CCNA1: variants seen among roughly 807,000 people sequenced by gnomAD.
The protein encoded by CCNA1 is cyclin-A1.
CCNA1 carries 23 observed loss-of-function variants against 54.1 expected under a neutral mutation model. The observed-to-expected ratio is 0.42, with a 90% CI of 0.31 to 0.60. The LOEUF is 0.60. Among genes scored for constraint, CCNA1 ranks in the 20% least tolerant of loss-of-function variants. CCNA1 has a pLI of 0.14. For missense variants in CCNA1, 450 were observed against 556.7 expected, an observed-to-expected ratio of 0.81 and a Z score of 1.93; for synonymous variants, 208 against 213.9, an observed-to-expected ratio of 0.97 and a Z score of 0.24.
chr13:36,442,686 C>T lies in CCNA1; in HGVS notation c.*21C>T. The stretch of plus-strand genomic sequence containing the variant: ...AATAAGTTTCTGAATGGAAGCACTT[C>T]CAGAACTTCACCTCCATATCAGAAG... On this transcript the variant is annotated 3_prime_UTR_variant, in exon 9 of 9. Coordinates refer to ENST00000255465, the MANE Select transcript of CCNA1 (RefSeq NM_003914.4). The T allele has an allele frequency of 6.2e-7, 1 of 1,607,198 alleles. No homozygotes were observed. Among genetic ancestry groups the T allele is most frequent in the Non-Finnish European group, 8.5e-7 (1 of 1,174,202 alleles).
Position 36,432,711 on chromosome 13 carries a change from C to T in CCNA1, c.90C>T (p.Leu30=), listed in dbSNP as rs746209396. The T allele has an allele frequency of 6.2e-7, 1 of 1,610,706 alleles. No individual in the cohort carries two copies. ...ATCTCAGCTGGGAAGGACCGGGGCTCCCAGATTTCGTCTTCCAGGTAACGT... is the reference window on the plus strand; with the variant it reads ...ATCTCAGCTGGGAAGGACCGGGGCTTCCAGATTTCGTCTTCCAGGTAACGT... The change falls in exon 1 of 9, where the codon CTC becomes CTT. Residue 30 remains leucine, a synonymous_variant. Coordinates refer to ENST00000255465, the MANE Select transcript of CCNA1 (RefSeq NM_003914.4).
At chr13:36,432,795 C>A in intron 1 of CCNA1, 66 bp downstream of exon 1, 1 of 1,171,446 alleles carries the variant, frequency 8.5e-7, no homozygotes, top group Non-Finnish European at 1.3e-6. Flanking sequence ...CAGCCCAACA[C>A]GAAGTCTTGG....
At chr13:36,434,105 A>G (rs1164662907) in intron 2 of CCNA1, among the ~76,000 whole-genome samples, 1 of 152,192 alleles carries the variant, frequency 6.6e-6, no homozygotes, top group Non-Finnish European at 1.5e-5. Context: ...GGCTGTGTTC[A>G]TTGCGGATAG....
At chr13:36,441,341 C>T in intron 7 of CCNA1, 110 bp downstream of exon 7, 2 of 624,752 alleles carry the variant, frequency 3.2e-6, no homozygotes, top group East Asian at 5.5e-5. Flanking sequence ...GACAGCAGAC[C>T]ACAACATGCC....
rs1196916103 is a variant in CCNA1 at position 36,438,754 on chromosome 13, T to C, written c.780T>C (p.Leu260=). Residue 260 remains leucine (L), a synonymous_variant, in exon 5 of 9, where the codon CTT becomes CTC. Coordinates refer to ENST00000255465, the MANE Select transcript of CCNA1 (RefSeq NM_003914.4). ...TGGAGGTTGGGGAAGAATATAAACT[T>C]CGAGCAGAGACCCTGTATCTGGCTG... 2 of 1,613,960 alleles carry C rather than the reference T, an allele frequency of 1.2e-6. No homozygotes were observed. Among genetic ancestry groups the C allele is most frequent in the African/African-American group, 2.7e-5 (2 of 74,894 alleles).
rs757524421 is a variant in CCNA1, at chr13:36,438,203, C to T, written c.669+12C>T. On this transcript the variant is annotated intron_variant, in intron 4 of 8. Transcript: ENST00000255465. ...TTAGGGAAGCTGAAGTAAGTTTTCC[C>T]ACCTTCTACTTCAATCTTCAGGACC... 8.1e-6 allele frequency: 13 copies of T among 1,606,590 alleles called. No homozygotes were observed. The highest frequency in any genetic ancestry group is 5.1e-5 in the Admixed American group (3 of 58,900).
At chr13:36,434,833 C>CGG (rs79122701) in intron 2 of CCNA1, among the ~76,000 whole-genome samples, 1 of 148,888 alleles carries the variant, frequency 6.7e-6, no homozygotes, top group Non-Finnish European at 1.5e-5. Context: ...GGTGCCCCCC[C>CGG]CCCCGCGCCA....
intron 4 of CCNA1, 124 bp from the exon 5 acceptor site, chr13:36,438,520 A>T (rs2055835974): frequency 2.8e-6 from 2 of 713,880 alleles, no homozygotes; most frequent in Admixed American, 5.7e-5. Context: ...TATGATAAAG[A>T]TTTATTTGGC....
rs1205053638 is a variant in CCNA1 at position 36,433,411 on chromosome 13, T to TTTCGTTCG, written c.297+193_297+194insGTTCGTTC. On this transcript the variant is annotated intron_variant, in intron 2 of 8. Transcript: ENST00000255465. ...CTTTCTTTCTTTCTTTCTTTCTTTC[T>TTTCGTTCG]TTCTTTCTTTCTTTCTTTCTTTCTT... 2.9e-4 allele frequency among the ~76,000 whole-genome samples: 34 copies of TTTCGTTCG among 116,046 alleles called. 1 individual carries two copies. Among genetic ancestry groups the TTTCGTTCG allele is most frequent in the African/African-American group, 1.2e-3 (33 of 27,618 alleles). The allele number at this position is 116,046 out of a possible 152,430, so 76.1% of individuals were successfully genotyped here.
intron 4 of CCNA1, 21 bp from the exon 5 acceptor site, chr13:36,438,623 T>C: frequency 6.3e-7 from 1 of 1,585,142 alleles, no homozygotes; most frequent in South Asian, 1.1e-5. Flanking sequence ...CTACTAAATA[T>C]CAAAACCTTT....
chr13:36,441,511 G>A (rs1173478910), intron 7 of CCNA1, among the ~76,000 whole-genome samples: 1 of 152,172 alleles, frequency 6.6e-6, no homozygotes, highest in African/African-American at 2.4e-5. Flanking sequence ...GGCCCTTGAG[G>A]TACAATCATT....
rs1436690146 is a variant in CCNA1, at chr13:36,432,655, G to A, written c.34G>A (p.Gly12Arg). The stretch of plus-strand genomic sequence containing the variant: ...CGGCTTTCCCGCAATCATGTACCCT[G>A]GATCTTTTATTGGGGGCTGGGGAGA... Residue 12 changes from glycine (G) to arginine (R), a missense_variant, in exon 1 of 9, where the codon GGA becomes AGA. Physicochemically the swap from Gly to Arg is moderately radical, Grantham distance 125. Around this residue, in one of 6 missense-constraint regions of CCNA1, gnomAD observed 103 missense variants for 100.9 expected, o/e 1.02. Transcript: ENST00000255465. The A allele has an allele frequency of 2.5e-6, 4 of 1,609,456 alleles. No individual in the cohort carries two copies. The East Asian group carries it at 8.9e-5, about 36-fold the overall frequency.
rs531208635 is a variant in CCNA1, at chr13:36,440,423, G to T, written c.1098+240G>T. ...ATCACCCAACTATTTAAAAATTTAA[G>T]CTTGGAAACTGTTCTCTTATTGGAT... is the stretch of plus-strand genomic sequence containing the variant. On this transcript the variant is annotated intron_variant, in intron 6 of 8. Coordinates refer to ENST00000255465, the MANE Select transcript of CCNA1 (RefSeq NM_003914.4). 1.5e-4 allele frequency among the ~76,000 whole-genome samples: 23 copies of T among 151,894 alleles called. No individual in the cohort carries two copies. The South Asian group carries it at 4.6e-3, about 30-fold the overall frequency.
rs1284226426 is a variant in CCNA1 at position 36,437,754 on chromosome 13, A to G, written c.423A>G (p.Glu141=). The G allele has an allele frequency of 1.9e-6, 3 of 1,614,080 alleles. No individual in the cohort carries two copies. The highest frequency in any genetic ancestry group is 1.7e-6 in the Non-Finnish European group (2 of 1,180,028). ...AAGGGTTTGACATCTACATGGATGAACTAGAGCAGGGGGACAGAGACAGCT... is the reference window on the plus strand; with the variant it reads ...AAGGGTTTGACATCTACATGGATGAGCTAGAGCAGGGGGACAGAGACAGCT... The change falls in exon 3 of 9, where the codon GAA becomes GAG. Residue 141 remains glutamate (E), a synonymous_variant. Coordinates refer to ENST00000255465, the MANE Select transcript of CCNA1 (RefSeq NM_003914.4).
Position 36,437,814 on chromosome 13 carries a change from G to T in CCNA1, c.483G>T (p.Val161=). The change falls in exon 3 of 9, where the codon GTG becomes GTT. Residue 161 remains valine, a synonymous_variant. Transcript: ENST00000255465. ...GAGAGGGGATGGCATTTGAGGATGT[G>T]TATGAAGTAGACACCGGCACACTCA... The T allele has an allele frequency of 6.2e-7, 1 of 1,614,170 alleles. No individual in the cohort carries two copies. The highest frequency in any genetic ancestry group is 8.5e-7 in the Non-Finnish European group (1 of 1,180,000).
intron 7 of CCNA1, among the ~76,000 whole-genome samples, chr13:36,441,790 A>C (rs968727970): frequency 6.6e-6 from 1 of 152,042 alleles, no homozygotes; most frequent in Non-Finnish European, 1.5e-5. Context: ...TTTTTTTAAA[A>C]ATTTTCTTTT....
At position 36,442,650 on chromosome 13, in the gene CCNA1, T is replaced by C; in HGVS notation, c.1383T>C (p.Val461=). 4 of 1,613,800 alleles carry C rather than the reference T, an allele frequency of 2.5e-6. No homozygotes were observed. The highest frequency in any genetic ancestry group is 3.4e-6 in the Non-Finnish European group (4 of 1,179,818). ...TGTCCCTCATGGAGCCACCTGCAGT[T>C]CTTCTTCTACAATAAGTTTCTGAAT... The change falls in exon 9 of 9, where the codon GTT becomes GTC. Residue 461 remains valine (V), a synonymous_variant. Transcript: ENST00000255465.
intron 8 of CCNA1, 127 bp from the exon 9 acceptor site, chr13:36,442,487 A>C: frequency 3.6e-6 from 4 of 1,107,614 alleles, no homozygotes; most frequent in Non-Finnish European, 5.3e-6. Context: ...TCAGCTTTTA[A>C]TACTTGTAGT....
At chr13:36,438,289 C>T (rs1331220659) in intron 4 of CCNA1, 98 bp downstream of exon 4, 1 of 1,010,868 alleles carries the variant, frequency 9.9e-7, no homozygotes, top group Non-Finnish European at 1.5e-6. Flanking sequence ...GTGAATGGCA[C>T]TCTTATGCCA....
Sources: gnomAD v4.1 joint callset for allele counts (sites outside exome capture counted in the v4.1 genomes callset) on GRCh38, gnomAD v4.1.1 for gene constraint, gnomAD v4.1.1 regional missense constraint, MANE v1.5 for transcripts, NCBI Gene and HGNC (gene_info 2026-07-23, HGNC 2026-07-21) for gene names.